The following ADAM28 variants were observed in gnomAD, a reference collection of about 807,000 sequenced individuals.
ADAM28 encodes ADAM metallopeptidase domain 28.
Under a neutral mutation model 101.2 loss-of-function variants are expected in ADAM28, and 105 were observed. That is an observed-to-expected ratio of 1.04 (90% CI 0.89 to 1.22). ADAM28 has a LOEUF of 1.22. ADAM28 is among the 50% of genes most tolerant of loss of function. The pLI, the probability that ADAM28 is intolerant of heterozygous loss-of-function variation, is 0.00. For synonymous variants in ADAM28, 322 were observed against 310.6 expected (o/e 1.04, Z -0.39); for missense variants, 1,028 against 945.4 (o/e 1.09, Z -1.15).
chr8:24,352,765 G>A (rs142713079), intron 21 of ADAM28, among the ~76,000 whole-genome samples: 2 of 152,246 alleles, frequency 1.3e-5, no homozygotes, highest in African/African-American at 2.4e-5. Flanking sequence ...TGGGGTCATG[G>A]CTTCTCCATT....
Position 24,330,020 on chromosome 8 carries a change from A to G in ADAM28, c.1008A>G (p.Thr336=). Residue 336 remains threonine (T), a synonymous_variant, in exon 11 of 23, where the codon ACA becomes ACG. Coordinates refer to ENST00000265769, the MANE Select transcript of ADAM28 (RefSeq NM_014265.6). ...HSDNLLRVAG[T]MAHEMGHNFG... ...ATAATCTTCTTAGAGTTGCAGGGAC[A>G]ATGGCACATGAAATGGGCCACAACT... The G allele has an allele frequency of 6.2e-7, 1 of 1,613,690 alleles. No individual in the cohort carries two copies. Among genetic ancestry groups the G allele is most frequent in the South Asian group, 1.1e-5 (1 of 91,054 alleles).
chr8:24,309,943 T>C lies in ADAM28; in HGVS notation c.200T>C (p.Ile67Thr). 3 of 1,572,072 alleles carry C rather than the reference T, an allele frequency of 1.9e-6. No individual in the cohort carries two copies. The highest frequency in any genetic ancestry group is 2.2e-5 in the South Asian group (2 of 89,232). Residue 67 changes from isoleucine to threonine, a missense_variant, in exon 3 of 23, where the codon ATT (isoleucine) becomes ACT (threonine). Coordinates refer to ENST00000265769, the MANE Select transcript of ADAM28 (RefSeq NM_014265.6). The stretch of plus-strand genomic sequence containing the variant: ...TATAAAATGACAATTAATGGAAAAA[T>C]TGCAGTGCTTTATTTGAAAAAAAAC... ...LKYKMTINGK[I>T]AVLYLKKNKN... is the part of the protein sequence containing the mutation.
rs986053424 is a variant in ADAM28, at chr8:24,340,510, C to T, written c.1670+942C>T. 3.9e-5 allele frequency among the ~76,000 whole-genome samples: 6 copies of T among 152,092 alleles called. No individual in the cohort carries two copies. The South Asian group carries it at 6.2e-4, about 16-fold the overall frequency. The stretch of plus-strand genomic sequence containing the variant: ...TGGTGAATGGGAAGAGAGTGGGTCT[C>T]GCCATCTTTCCTTTGCAGTCTGTGC... On this transcript the variant is annotated intron_variant, in intron 15 of 22. Transcript: ENST00000265769.
intron 19 of ADAM28, among the ~76,000 whole-genome samples, chr8:24,350,316 C>T (rs1815938202): frequency 6.6e-6 from 1 of 151,962 alleles, no homozygotes; most frequent in South Asian, 2.1e-4. Flanking sequence ...CACCGCCCCA[C>T]CCACTTTTTT....
At position 24,331,057 on chromosome 8, in the gene ADAM28, C is replaced by T. The variant is rs562904305; in HGVS notation, c.1104-93C>T. The T allele has an allele frequency of 3.2e-6, 4 of 1,260,584 alleles. 1 individual carries two copies. The highest frequency in any genetic ancestry group is 5.3e-5 in the Admixed American group (2 of 37,688). 78.1% of individuals were successfully genotyped at this position (1,260,584 alleles called of 1,614,324 possible). On this transcript the variant is annotated intron_variant, in intron 11 of 22. Coordinates refer to ENST00000265769, the MANE Select transcript of ADAM28 (RefSeq NM_014265.6). ...GTGGATTGGATTTTGTCTTTTGGGGCAGGCCGTGGGTGTAATTGTGCCTAA... is the reference window on the plus strand; with the variant it reads ...GTGGATTGGATTTTGTCTTTTGGGGTAGGCCGTGGGTGTAATTGTGCCTAA...
At position 24,353,788 on chromosome 8, in the gene ADAM28, C is replaced by T. The variant is rs747666715; in HGVS notation, c.2263C>T (p.Leu755Phe). The change falls in exon 22 of 23, where the codon CTT (leucine) becomes TTT (phenylalanine). Residue 755 changes from leucine to phenylalanine, a missense_variant. Physicochemically the swap from Leu to Phe is conservative, Grantham distance 22. Transcript: ENST00000265769. ...PASFHKDTNA[L>F]PPTVFKDNPV... ...AACGTAGCATAAAGACACAAACGCACTTCCCCCTACTGTTTTCAAGGATAA... is the reference window on the plus strand; with the variant it reads ...AACGTAGCATAAAGACACAAACGCATTTCCCCCTACTGTTTTCAAGGATAA... 12 of 1,518,624 alleles carry T rather than the reference C, an allele frequency of 7.9e-6. No individual in the cohort carries two copies. The highest frequency in any genetic ancestry group is 2.3e-5 in the East Asian group (1 of 44,240). The allele number at this position is 1,518,624 out of a possible 1,614,324, so 94.1% of individuals were successfully genotyped here. A position where few individuals can be genotyped will look rare whatever the true frequency, so the allele number is the denominator to read the frequency against.
intron 2 of ADAM28, among the ~76,000 whole-genome samples, chr8:24,301,327 AC>A (rs1259916742): frequency 6.6e-6 from 1 of 152,122 alleles, no homozygotes; most frequent in Non-Finnish European, 1.5e-5. Flanking sequence ...GCTCTCTAAG[AC>A]TTTCTTTAAA....
chr8:24,341,803 T>C (rs771157364), intron 16 of ADAM28, 46 bp downstream of exon 16: 1 of 1,611,490 alleles, frequency 6.2e-7, no homozygotes, highest in East Asian at 2.2e-5. Context: ...TTTTTTACTT[T>C]GGTGTGCTTT....
At position 24,294,154 on chromosome 8, in the gene ADAM28, T is replaced by C. The variant is rs1310823813; in HGVS notation, c.5T>C (p.Leu2Ser). 2.5e-6 allele frequency: 4 copies of C among 1,614,172 alleles called. No individual in the cohort carries two copies. The change falls in exon 1 of 23, where the codon TTG becomes TCG. Residue 2 changes from leucine to serine, a missense_variant. Transcript: ENST00000265769. The part of the protein sequence containing the change: M[L>S]QGLLPVSLLL... ...GTGCTCCTGGAATCACCCAGCATGT[T>C]GCAAGGTCTCCTGCCAGTCAGTCTC... is the stretch of plus-strand genomic sequence containing the variant.
intron 11 of ADAM28, 89 bp downstream of exon 11, chr8:24,330,204 G>T: frequency 2.8e-6 from 4 of 1,448,098 alleles, no homozygotes; most frequent in Non-Finnish European, 3.7e-6. Context: ...CTTCAACAAC[G>T]TGTTCGAGTT....
intron 12 of ADAM28, 35 bp downstream of exon 12, chr8:24,331,362 G>A: frequency 3.7e-5 from 57 of 1,555,654 alleles, no homozygotes; most frequent in Non-Finnish European, 5.0e-5. Flanking sequence ...GATCTAGTTG[G>A]TTTTTCAGTT....
intron 1 of ADAM28, among the ~76,000 whole-genome samples, chr8:24,297,679 G>A (rs7834386): frequency 0.029 from 4,489 of 152,286 alleles, 218 homozygotes; most frequent in African/African-American, 0.1. Flanking sequence ...CTTATGGTAT[G>A]CTTGTTTTGT....
At chr8:24,345,342 A>C (rs116725595) in intron 18 of ADAM28, among the ~76,000 whole-genome samples, 1,981 of 152,122 alleles carry the variant, frequency 0.013, 39 homozygotes, top group African/African-American at 0.045. Flanking sequence ...TATGCAAAAT[A>C]TCTCCACTGT....
chr8:24,343,405 G>T, intron 17 of ADAM28, 101 bp from the exon 18 acceptor site: 1 of 1,229,394 alleles, frequency 8.1e-7, no homozygotes, highest in East Asian at 2.4e-5. Context: ...CCTGGAGACT[G>T]GGGTTATTCC....
chr8:24,320,282 A>G lies in ADAM28; in HGVS notation c.623A>G (p.Tyr208Cys), dbSNP rs1811697040. The change falls in exon 7 of 23, where the codon TAT (tyrosine) becomes TGT (cysteine). Residue 208 changes from tyrosine (Y) to cysteine (C), a missense_variant. By Grantham distance (194) the Tyr-to-Cys change is radical. Transcript: ENST00000265769. ...KVQEHEKYIE[Y>C]YLVLDNGEFK... is the part of the protein sequence containing the mutation. Reference sequence around the variant, plus strand: ...CAGGAACATGAGAAATACATAGAATATTATTTGGTCCTGGATAATGGTGAG... The same window carrying G: ...CAGGAACATGAGAAATACATAGAATGTTATTTGGTCCTGGATAATGGTGAG... 6.2e-7 allele frequency: 1 copy of G among 1,603,922 alleles called. No individual in the cohort carries two copies.
At chr8:24,333,427 T>C (rs987654928) in intron 13 of ADAM28, among the ~76,000 whole-genome samples, 1 of 152,242 alleles carries the variant, frequency 6.6e-6, no homozygotes, top group Non-Finnish European at 1.5e-5. Flanking sequence ...ATTTTTAATT[T>C]TTGTGGGCAC....
intron 10 of ADAM28, 24 bp downstream of exon 10, chr8:24,326,659 G>T: frequency 1.9e-6 from 3 of 1,589,848 alleles, no homozygotes; most frequent in Non-Finnish European, 1.7e-6. Context: ...TAAACTGTTG[G>T]TTCTATGATT....
At chr8:24,351,759 A>ATCATTTATAACATTGGTAATCATT (rs6150504) in intron 20 of ADAM28, among the ~76,000 whole-genome samples, 134,982 of 150,804 alleles carry the variant, frequency 0.9, 60,651 homozygotes, top group Non-Finnish European at 0.93. Flanking sequence ...AACATTGGTA[A>ATCATTTATAACATTGGTAATCATT]TCATTTATAA....
At chr8:24,344,085 C>T (rs970139371) in intron 18 of ADAM28, among the ~76,000 whole-genome samples, 3 of 152,178 alleles carry the variant, frequency 2.0e-5, no homozygotes, top group African/African-American at 7.2e-5. Flanking sequence ...GATTAGTTCA[C>T]ACGGGATGTC....
Sources: gnomAD v4.1 joint callset for allele counts (sites outside exome capture counted in the v4.1 genomes callset) on GRCh38, gnomAD v4.1.1 for gene constraint, MANE v1.5 for transcripts, NCBI Gene and HGNC (gene_info 2026-07-23, HGNC 2026-07-21) for gene names.